KRT12: variants seen among roughly 807,000 people sequenced by gnomAD.
KRT12 encodes the protein keratin 12.
In KRT12, 43 loss-of-function variants were observed where a neutral mutation model predicts 50.2. The observed-to-expected ratio is 0.86, with a 90% CI of 0.67 to 1.11. The LOEUF (loss-of-function observed/expected upper bound fraction) is 1.11. Ranked by LOEUF, KRT12 falls within the 50% of genes least tolerant of loss-of-function variation. The pLI, the probability that KRT12 is intolerant of heterozygous loss-of-function variation, is 0.00. For missense variants in KRT12, 588 were observed against 625.6 expected, an observed-to-expected ratio of 0.94 and a Z score of 0.64; for synonymous variants, 257 against 253.6, an observed-to-expected ratio of 1.01 and a Z score of -0.13.
chr17:40,863,563 C>T lies in KRT12; in HGVS notation c.1017G>A (p.Gln339=). 1 of 1,614,262 alleles carries T rather than the reference C, an allele frequency of 6.2e-7. No homozygotes were observed. The highest frequency in any genetic ancestry group is 1.1e-5 in the South Asian group (1 of 91,088). Residue 339 remains glutamine (Q), a synonymous_variant, in exon 5 of 8, where the codon CAG becomes CAA. Transcript: ENST00000251643. This position sits in a 1 kb window ranked among gnomAD's most constrained non-coding sequence, Gnocchi z 4.2. The part of the protein sequence containing the change: ...KEISTNTEQL[Q]SSKSEVTDLR... ...GGTCGGTGACCTCGCTCTTGCTGGA[C>T]TGAAGCTGCTCGGTGTTGGTGCTAA...
intron 6 of KRT12, among the ~76,000 whole-genome samples, chr17:40,862,847 G>A (rs2143255450): frequency 6.6e-6 from 1 of 152,300 alleles, no homozygotes; most frequent in Non-Finnish European, 1.5e-5. Flanking sequence ...ATCAGAAATT[G>A]AGTAAGTGAC....
At chr17:40,866,299 T>A in intron 1 of KRT12, 62 bp from the exon 2 acceptor site, 1 of 1,308,384 alleles carries the variant, frequency 7.6e-7, no homozygotes, top group Non-Finnish European at 1.1e-6. Context: ...TATACAAATA[T>A]ATTTTTGACA....
chr17:40,865,485 G>T (rs1906983602), intron 2 of KRT12, among the ~76,000 whole-genome samples: 1 of 152,218 alleles, frequency 6.6e-6, no homozygotes, highest in Admixed American at 6.5e-5. Context: ...ATATCTGGGA[G>T]AGTTGAGCAT....
intron 2 of KRT12, among the ~76,000 whole-genome samples, chr17:40,865,436 A>C (rs2143265767): frequency 6.6e-6 from 1 of 152,336 alleles, no homozygotes; most frequent in South Asian, 2.1e-4. Flanking sequence ...CCTGTGTAGA[A>C]ATTTTGTGAA....
intron 3 of KRT12, 28 bp downstream of exon 3, chr17:40,864,778 C>T (rs757892019): frequency 1.2e-6 from 2 of 1,608,948 alleles, no homozygotes; most frequent in East Asian, 2.2e-5. Flanking sequence ...AAAAAAGTAG[C>T]TGAGTGAGGC....
Position 40,863,289 on chromosome 17 carries a change from G to C in KRT12, c.1150C>G (p.Leu384Val), listed in dbSNP as rs1906874164. ...AEAEGDYCAQ[L>V]SQVQQLISNL... ...CTGATGAGCTGCTGCACCTGGGACA[G>C]CTGCGCGCAGTAATCGCCCTCGGCT... Residue 384 changes from leucine to valine, a missense_variant, in exon 6 of 8, where the codon CTG (leucine) becomes GTG (valine). Physicochemically the swap from Leu to Val is conservative, Grantham distance 32. Transcript: ENST00000251643. The surrounding 1 kb of genome is among the most constrained non-coding windows in gnomAD (Gnocchi z 4.2). 2 of 1,613,882 alleles carry C rather than the reference G, an allele frequency of 1.2e-6. No individual in the cohort carries two copies. The highest frequency in any genetic ancestry group is 1.7e-6 in the Non-Finnish European group (2 of 1,180,014).
At position 40,864,963 on chromosome 17, in the gene KRT12, C is replaced by T. The variant is rs1007200481; in HGVS notation, c.651-1G>A. ...GCGCAGGGCCAGTTCATTCTCATAC[C>T]TGAAAACCAAGTGCAAAGCAGTTGA... On this transcript the variant is annotated splice_acceptor_variant, in intron 2 of 7. Coordinates refer to ENST00000251643, the MANE Select transcript of KRT12 (RefSeq NM_000223.4). LOFTEE classifies it high-confidence loss of function. 1.2e-6 allele frequency: 2 copies of T among 1,614,238 alleles called. No individual in the cohort carries two copies. The highest frequency in any genetic ancestry group is 1.7e-6 in the Non-Finnish European group (2 of 1,180,038).
At position 40,866,888 on chromosome 17, in the gene KRT12, C is replaced by A; in HGVS notation, c.299G>T (p.Gly100Val). 2 of 1,614,102 alleles carry A rather than the reference C, an allele frequency of 1.2e-6. No homozygotes were observed. The highest frequency in any genetic ancestry group is 2.2e-5 in the South Asian group (2 of 91,078). Residue 100 changes from glycine to valine, a missense_variant, in exon 1 of 8, where the codon GGA becomes GTA. Coordinates refer to ENST00000251643, the MANE Select transcript of KRT12 (RefSeq NM_000223.4). Reference protein sequence around the residue: ...GGGSFGGLGMGFGGSPGGGSL... With the variant: ...GGGSFGGLGMVFGGSPGGGSL... Reference sequence around the variant, plus strand: ...GCCACCTCCTGGGCTGCCCCCAAATCCCATCCCCAGCCCTCCAAAGCTACC... The same window carrying A: ...GCCACCTCCTGGGCTGCCCCCAAATACCATCCCCAGCCCTCCAAAGCTACC...
Position 40,866,696 on chromosome 17 carries a change from C to G in KRT12, c.491G>C (p.Arg164Pro), listed in dbSNP as rs775307796. 6 of 1,614,146 alleles carry G rather than the reference C, an allele frequency of 3.7e-6. 1 individual carries two copies. The South Asian group carries it at 6.6e-5, about 18-fold the overall frequency. The change falls in exon 1 of 8, where the codon CGA becomes CCA. Residue 164 changes from arginine (R) to proline (P), a missense_variant. Arg to Pro is a moderately radical substitution (Grantham distance 103). Transcript: ENST00000251643. ...ENKIREWYET[R>P]GTGTADASQS... ...TGAAGCATCTGCAGTCCCAGTTCCT[C>G]GTGTTTCATACCATTCTCGAATTTT...
chr17:40,864,734 A>G, intron 3 of KRT12, 72 bp downstream of exon 3: 1 of 1,506,554 alleles, frequency 6.6e-7, no homozygotes, highest in Non-Finnish European at 9.2e-7. Context: ...AGATTTCTAA[A>G]TTTGAAATTG....
Position 40,863,258 on chromosome 17 carries a change from A to G in KRT12, c.1181T>C (p.Leu394Pro), listed in dbSNP as rs370179526. The G allele has an allele frequency of 2.7e-5, 43 of 1,613,878 alleles. No individual in the cohort carries two copies. Among genetic ancestry groups the G allele is most frequent in the Middle Eastern group, 1.6e-4 (1 of 6,082 alleles). The stretch of plus-strand genomic sequence containing the variant: ...GCGCACCTGGAGCAGCTGTGCCTCC[A>G]GGTTGCTGATGAGCTGCTGCACCTG... ...LSQVQQLISN[L>P]EAQLLQVRAD... The change falls in exon 6 of 8, where the codon CTG becomes CCG. Residue 394 changes from leucine (L) to proline (P), a missense_variant. By Grantham distance (98) the Leu-to-Pro change is moderately conservative. Coordinates refer to ENST00000251643, the MANE Select transcript of KRT12 (RefSeq NM_000223.4). The surrounding 1 kb of genome is among the most constrained non-coding windows in gnomAD (Gnocchi z 4.2).
At chr17:40,864,353 C>G (rs956461677) in intron 3 of KRT12, among the ~76,000 whole-genome samples, 3 of 152,134 alleles carry the variant, frequency 2.0e-5, no homozygotes, top group Non-Finnish European at 4.4e-5. Context: ...GCATCCCTTC[C>G]CTACCTAGCC....
chr17:40,866,092 G>T, intron 2 of KRT12, 63 bp downstream of exon 2: 1 of 1,233,844 alleles, frequency 8.1e-7, no homozygotes, highest in Non-Finnish European at 1.2e-6. Flanking sequence ...ATCAATGAAG[G>T]CAGGACAGTA....
Position 40,866,723 on chromosome 17 carries a change from T to C in KRT12, c.464A>G (p.Asn155Ser), listed in dbSNP as rs996087324. The part of the protein sequence containing the change: ...ALEEANTELE[N>S]KIREWYETRG... Reference sequence around the variant, plus strand: ...TGTTTCATACCATTCTCGAATTTTATTTTCTAGCTCAGTATTAGCCTCTTC... The same window carrying C: ...TGTTTCATACCATTCTCGAATTTTACTTTCTAGCTCAGTATTAGCCTCTTC... Residue 155 changes from asparagine (N) to serine (S), a missense_variant, in exon 1 of 8, where the codon AAT becomes AGT. By Grantham distance (46) the Asn-to-Ser change is conservative. Transcript: ENST00000251643. The C allele has an allele frequency of 3.1e-6, 5 of 1,614,258 alleles. No individual in the cohort carries two copies. Among genetic ancestry groups the C allele is most frequent in the Middle Eastern group, 1.6e-4 (1 of 6,062 alleles).
chr17:40,864,585 A>T (rs1219850548), intron 3 of KRT12, among the ~76,000 whole-genome samples: 1 of 152,074 alleles, frequency 6.6e-6, no homozygotes, highest in Non-Finnish European at 1.5e-5. Context: ...AAATTTGTTG[A>T]GCCTTAGCAG....
chr17:40,863,219 C>A lies in KRT12; in HGVS notation c.1220G>T (p.Arg407Leu), dbSNP rs765897573. The stretch of plus-strand genomic sequence containing the variant: ...CAGCCGCTGGTGGTCCACGTTCTGG[C>A]GCTCTGCGTCCGCGCGCACCTGGAG... ...QLLQVRADAE[R>L]QNVDHQRLLN... Residue 407 changes from arginine (R) to leucine (L), a missense_variant, in exon 6 of 8, where the codon CGC becomes CTC. Coordinates refer to ENST00000251643, the MANE Select transcript of KRT12 (RefSeq NM_000223.4). This position sits in a 1 kb window ranked among gnomAD's most constrained non-coding sequence, Gnocchi z 4.2. 1 of 1,613,996 alleles carries A rather than the reference C, an allele frequency of 6.2e-7. No homozygotes were observed. Among genetic ancestry groups the A allele is most frequent in the South Asian group, 1.1e-5 (1 of 91,068 alleles).
In KRT12 at chr17:40,863,379, T is replaced by C; in HGVS notation, c.1096-36A>G. On this transcript the variant is annotated intron_variant, in intron 5 of 7. Coordinates refer to ENST00000251643, the MANE Select transcript of KRT12 (RefSeq NM_000223.4). The surrounding 1 kb of genome is among the most constrained non-coding windows in gnomAD (Gnocchi z 4.2). ...GAGGGAAATGGCATAGAAATAACGA[T>C]GGAGGGGACCGAAAAGAGGAGGGTA... The C allele has an allele frequency of 6.2e-7, 1 of 1,613,340 alleles. No individual in the cohort carries two copies. The highest frequency in any genetic ancestry group is 8.5e-7 in the Non-Finnish European group (1 of 1,179,390).
Position 40,863,547 on chromosome 17 carries a change from C to T in KRT12, c.1033G>A (p.Val345Ile). Residue 345 changes from valine (V) to isoleucine (I), a missense_variant, in exon 5 of 8, where the codon GTC becomes ATC. Val to Ile is a conservative substitution (Grantham distance 29). Coordinates refer to ENST00000251643, the MANE Select transcript of KRT12 (RefSeq NM_000223.4). This position sits in a 1 kb window ranked among gnomAD's most constrained non-coding sequence, Gnocchi z 4.2. ...TGAAAGGCGCGACGCAGGTCGGTGA[C>T]CTCGCTCTTGCTGGACTGAAGCTGC... ...TEQLQSSKSEVTDLRRAFQNL... is the reference protein window; with the variant it reads ...TEQLQSSKSEITDLRRAFQNL... 6.2e-7 allele frequency: 1 copy of T among 1,614,258 alleles called. No homozygotes were observed. The highest frequency in any genetic ancestry group is 8.5e-7 in the Non-Finnish European group (1 of 1,180,050).
chr17:40,864,312 T>C (rs1342845385), intron 3 of KRT12, among the ~76,000 whole-genome samples: 5 of 152,200 alleles, frequency 3.3e-5, no homozygotes, highest in Admixed American at 6.5e-5. Flanking sequence ...GCCACAATCA[T>C]CGAAAATCTA....
Sources: gnomAD v4.1 joint callset for allele counts (sites outside exome capture counted in the v4.1 genomes callset) on GRCh38, gnomAD v4.1.1 for gene constraint, Gnocchi (gnomAD v3.1) non-coding constraint, MANE v1.5 for transcripts, NCBI Gene and HGNC (gene_info 2026-07-23, HGNC 2026-07-21) for gene names.